Variants in CDH17 observed in about 807,000 individuals in gnomAD.
CDH17 encodes the protein cadherin-17.
In CDH17, 67 loss-of-function variants were observed where a neutral mutation model predicts 86.3. The observed-to-expected ratio is 0.78, with a 90% CI of 0.64 to 0.95. The LOEUF is 0.95. Ranked by LOEUF, CDH17 falls within the 40% of genes least tolerant of loss-of-function variation. The pLI is 0.00. For missense variants in CDH17, 993 were observed against 1,017.6 expected, an observed-to-expected ratio of 0.98 and a Z score of 0.33; for synonymous variants, 367 against 366.4, an observed-to-expected ratio of 1.00 and a Z score of -0.02.
chr8:94,214,984 A>G (rs1814173034), intron 1 of CDH17, among the ~76,000 whole-genome samples: 1 of 152,256 alleles, frequency 6.6e-6, no homozygotes, highest in Admixed American at 6.5e-5. Flanking sequence ...TAAAAAAGAG[A>G]TAATACCCAG....
chr8:94,211,039 G>C (rs965685429), upstream of CDH17, among the ~76,000 whole-genome samples: 1 of 135,966 alleles, frequency 7.4e-6, no homozygotes, highest in Non-Finnish European at 1.6e-5. Flanking sequence ...AAAAAAAAAA[G>C]AAAACAAAAC....
Position 94,152,056 on chromosome 8 carries a change from A to G in CDH17, c.1608T>C (p.Pro536=). The G allele has an allele frequency of 3.7e-6, 6 of 1,614,208 alleles. No homozygotes were observed. In the South Asian group the frequency reaches 4.4e-5, roughly 12 times the overall value. ...ACTTCACACCAAACACTAGAGGCTC[A>G]GGATTTTCTGCTTTGAACACAATGT... ...VSNIVFKAEN[P]EPLVFGVKYN... is the part of the protein sequence containing the mutation. The change falls in exon 13 of 18, where the codon CCT becomes CCC. Residue 536 remains proline (P), a synonymous_variant. Transcript: ENST00000027335.
intron 1 of CDH17, among the ~76,000 whole-genome samples, chr8:94,204,622 T>C (rs1362061956): frequency 6.6e-6 from 1 of 152,268 alleles, no homozygotes; most frequent in Non-Finnish European, 1.5e-5. Flanking sequence ...TACATGTGTC[T>C]TTATAGTAGA....
chr8:94,201,022 G>A (rs1383742732), intron 1 of CDH17, among the ~76,000 whole-genome samples: 2 of 152,128 alleles, frequency 1.3e-5, no homozygotes, highest in South Asian at 4.2e-4. Flanking sequence ...CACTCCCTCT[G>A]AAACACAAAT....
At chr8:94,201,951 G>A in intron 1 of CDH17, 1 of 217,586 alleles carries the variant, frequency 4.6e-6, no homozygotes, top group Non-Finnish European at 9.2e-6. Flanking sequence ...CCATTCACCA[G>A]GGCACACACA....
At chr8:94,201,919 C>A in intron 1 of CDH17, 1 of 184,026 alleles carries the variant, frequency 5.4e-6, no homozygotes. Flanking sequence ...AAATTTAGAA[C>A]ACCAATTTGT....
At chr8:94,139,420 A>AT (rs1185492880) in intron 15 of CDH17, among the ~76,000 whole-genome samples, 3 of 152,198 alleles carry the variant, frequency 2.0e-5, no homozygotes, top group Admixed American at 1.3e-4. Context: ...AATGGCTAAT[A>AT]TTTTTTCCAT....
chr8:94,142,001 G>A (rs576012193), intron 15 of CDH17, among the ~76,000 whole-genome samples: 133 of 152,274 alleles, frequency 8.7e-4, no homozygotes, highest in Non-Finnish European at 1.5e-3. Flanking sequence ...TATAAAAATA[G>A]AAACAGATTG....
chr8:94,179,902 T>G (rs946668392), intron 3 of CDH17, among the ~76,000 whole-genome samples: 1 of 152,190 alleles, frequency 6.6e-6, no homozygotes, highest in African/African-American at 2.4e-5. Flanking sequence ...TTTAAAATGT[T>G]TGGTTTTCAA....
chr8:94,170,732 A>G (rs1386866895), intron 8 of CDH17, 122 bp downstream of exon 8: 2 of 1,379,948 alleles, frequency 1.4e-6, no homozygotes, highest in Non-Finnish European at 2.0e-6. Context: ...GAAAACCAAT[A>G]ATATGCTGGA....
In CDH17 at chr8:94,128,321, C is replaced by T. The variant is rs1445287946; in HGVS notation, c.2418G>A (p.Val806=). Reference sequence around the variant, plus strand: ...CTTTATCCTTCTTTATGCGGATAAACACAACTGCTAAAATTATACCTAAAA... The same window carrying T: ...CTTTATCCTTCTTTATGCGGATAAATACAACTGCTAAAATTATACCTAAAA... ...LLVIGIILAV[V]FIRIKKDKGK... is the part of the protein sequence containing the mutation. Residue 806 remains valine (V), a synonymous_variant, in exon 18 of 18, where the codon GTG becomes GTA. Coordinates refer to ENST00000027335, the MANE Select transcript of CDH17 (RefSeq NM_004063.4). 5 of 1,610,228 alleles carry T rather than the reference C, an allele frequency of 3.1e-6. No homozygotes were observed. The highest frequency in any genetic ancestry group is 4.2e-6 in the Non-Finnish European group (5 of 1,177,170).
intron 3 of CDH17, among the ~76,000 whole-genome samples, chr8:94,184,632 A>G (rs1813541952): frequency 6.6e-6 from 1 of 152,142 alleles, no homozygotes; most frequent in Admixed American, 6.5e-5. Context: ...GCTGATGGAA[A>G]TGTTCTGTAA....
chr8:94,158,861 G>C (rs1475603576), intron 12 of CDH17, among the ~76,000 whole-genome samples: 1 of 152,142 alleles, frequency 6.6e-6, no homozygotes, highest in Non-Finnish European at 1.5e-5. Context: ...CTGTGCTTCT[G>C]TCCATTTTCT....
chr8:94,139,593 A>G (rs1011033216), intron 15 of CDH17, among the ~76,000 whole-genome samples: 4 of 152,238 alleles, frequency 2.6e-5, no homozygotes, highest in South Asian at 2.1e-4. Context: ...CAAACATTCA[A>G]TGGAACAAGG....
intron 3 of CDH17, among the ~76,000 whole-genome samples, chr8:94,181,090 A>C (rs1440229988): frequency 1.3e-5 from 2 of 152,172 alleles, no homozygotes; most frequent in Admixed American, 6.5e-5. Flanking sequence ...ATTTTCAGAG[A>C]CAAAATGGGA....
At chr8:94,182,600 T>C (rs1255277007) in intron 3 of CDH17, among the ~76,000 whole-genome samples, 1 of 152,048 alleles carries the variant, frequency 6.6e-6, no homozygotes, top group Non-Finnish European at 1.5e-5. Flanking sequence ...ACACCAGGAA[T>C]AGAAGGTGAC....
chr8:94,199,083 ATTTTT>A (rs71510475), intron 1 of CDH17, among the ~76,000 whole-genome samples: 247 of 23,058 alleles, frequency 0.011, 2 homozygotes, highest in African/African-American at 0.017. Context: ...ATATATATAT[ATTTTT>A]TTTTTTTTAT....
chr8:94,195,918 G>A (rs574171018), intron 1 of CDH17, among the ~76,000 whole-genome samples: 3 of 152,044 alleles, frequency 2.0e-5, no homozygotes, highest in Non-Finnish European at 2.9e-5. Context: ...CTGCCACCAC[G>A]CCTGGCTAAT....
chr8:94,204,598 A>C (rs1813988536), intron 1 of CDH17, among the ~76,000 whole-genome samples: 1 of 152,228 alleles, frequency 6.6e-6, no homozygotes, highest in African/African-American at 2.4e-5. Context: ...ATAGTGCTGC[A>C]ATAAACACAC....
Sources: allele counts gnomAD v4.1 joint callset (sites outside exome capture counted in the v4.1 genomes callset), GRCh38; gene constraint gnomAD v4.1.1; transcripts MANE v1.5; gene names NCBI Gene and HGNC (gene_info 2026-07-23, HGNC 2026-07-21).